The following RNGTT variants were observed in gnomAD, a reference collection of about 807,000 sequenced individuals.
The protein encoded by RNGTT is RNA guanylyltransferase and 5'-phosphatase.
Under a neutral mutation model 79.3 loss-of-function variants are expected in RNGTT, and 33 were observed. That is an observed-to-expected ratio of 0.42 (90% CI 0.32 to 0.56). The LOEUF is 0.56. Among genes scored for constraint, RNGTT ranks in the 20% least tolerant of loss-of-function variants. RNGTT has a pLI of 0.17. For synonymous variants in RNGTT, 222 were observed against 235.9 expected (o/e 0.94, Z 0.54); for missense variants, 497 against 739.1 (o/e 0.67, Z 3.80).
chr6:88,804,128 T>A (rs1396849751), intron 11 of RNGTT, among the ~76,000 whole-genome samples: 2 of 152,222 alleles, frequency 1.3e-5, no homozygotes. Flanking sequence ...TTCTCAAGTT[T>A]TGAATTATTA....
intron 12 of RNGTT, among the ~76,000 whole-genome samples, chr6:88,790,721 C>A (rs1779379641): frequency 6.6e-6 from 1 of 152,146 alleles, no homozygotes; most frequent in Non-Finnish European, 1.5e-5. Context: ...CAATGTATTA[C>A]TTGCCCTGCA....
intron 12 of RNGTT, among the ~76,000 whole-genome samples, chr6:88,776,835 T>G (rs1469527600): frequency 6.6e-6 from 1 of 152,202 alleles, no homozygotes; most frequent in Non-Finnish European, 1.5e-5. Context: ...TTTCCTGTTG[T>G]GCAGAAGCTT....
intron 11 of RNGTT, among the ~76,000 whole-genome samples, chr6:88,835,384 A>T (rs1277765507): frequency 1.3e-5 from 2 of 152,220 alleles, no homozygotes; most frequent in Non-Finnish European, 2.9e-5. Context: ...TTCCAGACAC[A>T]GACAAGCAGA....
intron 12 of RNGTT, among the ~76,000 whole-genome samples, chr6:88,787,992 A>G (rs1186204488): frequency 6.6e-6 from 1 of 152,236 alleles, no homozygotes; most frequent in Non-Finnish European, 1.5e-5. Context: ...AAATAGAGAT[A>G]GAGTTTGTCT....
At position 88,648,171 on chromosome 6, in the gene RNGTT, C is replaced by G. The variant is rs1222269115; in HGVS notation, c.1506+30182G>C. Among the ~76,000 whole-genome samples the G allele has an allele frequency of 2.0e-5, 3 of 152,060 alleles. No homozygotes were observed. The South Asian group carries it at 6.2e-4, about 32-fold the overall frequency. On this transcript the variant is annotated intron_variant, in intron 14 of 15. Coordinates refer to ENST00000369485, the MANE Select transcript of RNGTT (RefSeq NM_003800.5). ...AGAAGATATAAAAATATTTTGCTAC[C>G]TGACAGGTAGTAAGACTGTAAGACT...
At position 88,904,899 on chromosome 6, in the gene RNGTT, C is replaced by T; in HGVS notation, c.500G>A (p.Gly167Asp). The change falls in exon 6 of 16, where the codon GGT becomes GAT. Residue 167 changes from glycine (G) to aspartate (D), a missense_variant. Physicochemically the swap from Gly to Asp is moderately conservative, Grantham distance 94 (BLOSUM62 -1). Transcript: ENST00000369485. ...ACGAAAAAGTTCCTTCAAATAATCA[C>T]CCTTGTAGATTCCTGGTGGTCTGGC... ...AQARPPGIYK[G>D]DYLKELFRRY... 6.2e-7 allele frequency: 1 copy of T among 1,614,088 alleles called. No individual in the cohort carries two copies. Among genetic ancestry groups the T allele is most frequent in the Admixed American group, 1.7e-5 (1 of 60,008 alleles).
intron 13 of RNGTT, among the ~76,000 whole-genome samples, chr6:88,745,503 T>G (rs1488833664): frequency 6.6e-6 from 1 of 152,208 alleles, no homozygotes; most frequent in Non-Finnish European, 1.5e-5. Flanking sequence ...ACACTGATGT[T>G]GAAATGACAA....
chr6:88,634,135 C>A (rs543942037), intron 14 of RNGTT, among the ~76,000 whole-genome samples: 6 of 152,140 alleles, frequency 3.9e-5, no homozygotes, highest in Admixed American at 3.9e-4. Context: ...TTTAAACATG[C>A]AAATTTTAAA....
intron 13 of RNGTT, among the ~76,000 whole-genome samples, chr6:88,740,780 A>G (rs1777461127): frequency 6.6e-6 from 1 of 152,138 alleles, no homozygotes; most frequent in Non-Finnish European, 1.5e-5. Context: ...GGACGAGGGG[A>G]GGGAACGTAG....
At position 88,662,947 on chromosome 6, in the gene RNGTT, T is replaced by C. The variant is rs141779292; in HGVS notation, c.1506+15406A>G. 5.2e-4 allele frequency among the ~76,000 whole-genome samples: 79 copies of C among 152,348 alleles called. No homozygotes were observed. In the East Asian group the frequency reaches 0.015, roughly 29 times the overall value. On this transcript the variant is annotated intron_variant, in intron 14 of 15. Coordinates refer to ENST00000369485, the MANE Select transcript of RNGTT (RefSeq NM_003800.5). ...CATGGCTTTCTTGGCACTTTGGTTT[T>C]GGTTTTCATTTTGACTAGATTTGAA...
intron 13 of RNGTT, among the ~76,000 whole-genome samples, chr6:88,687,808 G>A (rs1338584504): frequency 6.6e-6 from 1 of 152,182 alleles, no homozygotes; most frequent in African/African-American, 2.4e-5. Context: ...TCCCATGAGG[G>A]ATAGGTGAAA....
At chr6:88,943,458 C>T (rs967246283) in intron 1 of RNGTT, among the ~76,000 whole-genome samples, 1 of 152,106 alleles carries the variant, frequency 6.6e-6, no homozygotes, top group Non-Finnish European at 1.5e-5. Context: ...CCTCCACCAA[C>T]ATCTGATTTA....
At chr6:88,730,342 T>C (rs535988688) in intron 13 of RNGTT, among the ~76,000 whole-genome samples, 2 of 152,202 alleles carry the variant, frequency 1.3e-5, no homozygotes, top group African/African-American at 4.8e-5. Context: ...AATTAGCCAA[T>C]TGGAATTAGT....
chr6:88,624,384 C>G (rs1287817056), intron 14 of RNGTT, among the ~76,000 whole-genome samples: 1 of 151,818 alleles, frequency 6.6e-6, no homozygotes. Context: ...CAGAGAGACA[C>G]ATGGATCAGT....
At chr6:88,837,713 A>T (rs1304888898) in intron 11 of RNGTT, among the ~76,000 whole-genome samples, 2 of 152,176 alleles carry the variant, frequency 1.3e-5, no homozygotes, top group South Asian at 4.1e-4. Flanking sequence ...AACAGAAAAA[A>T]AAATAGTATT....
At chr6:88,954,022 C>T (rs753656621) in intron 1 of RNGTT, among the ~76,000 whole-genome samples, 37 of 152,260 alleles carry the variant, frequency 2.4e-4, no homozygotes, top group Non-Finnish European at 4.4e-4. Flanking sequence ...CAAAATAGAA[C>T]ATCCTTAAAG....
At chr6:88,816,694 T>G (rs1780323690) in intron 11 of RNGTT, among the ~76,000 whole-genome samples, 1 of 152,220 alleles carries the variant, frequency 6.6e-6, no homozygotes, top group Non-Finnish European at 1.5e-5. Flanking sequence ...CAAGCTTCCA[T>G]TTGAAAATAA....
At chr6:88,762,093 G>T (rs1037395823) in intron 13 of RNGTT, among the ~76,000 whole-genome samples, 3 of 152,172 alleles carry the variant, frequency 2.0e-5, no homozygotes, top group Non-Finnish European at 4.4e-5. Context: ...ACTGCAGTCC[G>T]TAAGTTAAAT....
At chr6:88,753,812 A>G (rs1777918611) in intron 13 of RNGTT, among the ~76,000 whole-genome samples, 2 of 152,082 alleles carry the variant, frequency 1.3e-5, no homozygotes, top group Admixed American at 6.5e-5. Flanking sequence ...GCAAAAACAG[A>G]GGAGTAGCTG....
Sources: gnomAD v4.1 joint callset for allele counts (sites outside exome capture counted in the v4.1 genomes callset) on GRCh38, gnomAD v4.1.1 for gene constraint, MANE v1.5 for transcripts, NCBI Gene and HGNC (gene_info 2026-07-23, HGNC 2026-07-21) for gene names.